NT5DC1: variants seen among roughly 807,000 people sequenced by gnomAD.
NT5DC1 encodes 5'-nucleotidase domain-containing protein 1.
Under a neutral mutation model 59.4 loss-of-function variants are expected in NT5DC1, and 42 were observed. The observed-to-expected ratio is 0.71, with a 90% CI of 0.55 to 0.92. The LOEUF (loss-of-function observed/expected upper bound fraction) is 0.92. NT5DC1 is among the 40% of genes least tolerant of loss of function. The pLI is 0.00. For synonymous variants in NT5DC1, 172 were observed against 188.1 expected (o/e 0.91, Z 0.70); for missense variants, 501 against 537.1 (o/e 0.93, Z 0.66).
In NT5DC1 at chr6:116,221,108, A is replaced by G. The variant is rs1781789798; in HGVS notation, c.584A>G (p.His195Arg). The change falls in exon 7 of 12, where the codon CAT becomes CGT. Residue 195 changes from histidine to arginine, a missense_variant. His to Arg is a conservative substitution (Grantham distance 29). Transcript: ENST00000319550. ...AAAAGAGATCCAGGCAGATATTTAC[A>G]TAGTTGTCCTGAATCTGTGAAAAAA... Reference protein sequence around the residue: ...EIKRDPGRYLHSCPESVKKWL... With the variant: ...EIKRDPGRYLRSCPESVKKWL... The G allele has an allele frequency of 5.1e-6, 8 of 1,571,500 alleles. No homozygotes were observed. Among genetic ancestry groups the G allele is most frequent in the Admixed American group, 3.3e-5 (2 of 59,884 alleles).
chr6:116,144,552 G>A (rs1432392940), intron 6 of NT5DC1, among the ~76,000 whole-genome samples: 1 of 151,614 alleles, frequency 6.6e-6, no homozygotes. Context: ...AGTTTCTCCT[G>A]GTTTTCTATA....
chr6:116,121,088 A>C (rs764481234), intron 6 of NT5DC1: 1 of 1,613,876 alleles, frequency 6.2e-7, no homozygotes, highest in South Asian at 1.1e-5. Context: ...TTGGGGTCCC[A>C]TATTCCCAGG....
intron 6 of NT5DC1, chr6:116,121,591 T>C (rs1298780981): frequency 1.2e-6 from 2 of 1,613,914 alleles, no homozygotes; most frequent in Non-Finnish European, 1.7e-6. Flanking sequence ...GTGCACCCTT[T>C]TCTCCAGGAA....
At chr6:116,162,421 A>G (rs181620111) in intron 6 of NT5DC1, among the ~76,000 whole-genome samples, 238 of 152,274 alleles carry the variant, frequency 1.6e-3, no homozygotes, top group Non-Finnish European at 2.8e-3. Flanking sequence ...TTTGTCAAAT[A>G]TGGTTCTTAG....
At position 116,232,444 on chromosome 6, in the gene NT5DC1, A is replaced by G. The variant is rs567952504; in HGVS notation, c.803-4522A>G. On this transcript the variant is annotated intron_variant, in intron 8 of 11. Coordinates refer to ENST00000319550, the MANE Select transcript of NT5DC1 (RefSeq NM_152729.3). ...TATTCGTATTTGCTTTTATATGCAT[A>G]AAAGAGGAGAAGAGGTGAGTGCATA... Among the ~76,000 whole-genome samples the G allele has an allele frequency of 2.6e-5, 4 of 152,152 alleles. No individual in the cohort carries two copies. The South Asian group carries it at 8.3e-4, about 32-fold the overall frequency.
chr6:116,121,946 C>A (rs766110843), intron 6 of NT5DC1: 1 of 1,612,738 alleles, frequency 6.2e-7, no homozygotes, highest in South Asian at 1.1e-5. Flanking sequence ...ACCTTGCTCT[C>A]CTCTTACTGC....
intron 9 of NT5DC1, among the ~76,000 whole-genome samples, chr6:116,237,971 T>C (rs1424101001): frequency 1.3e-5 from 2 of 152,234 alleles, no homozygotes; most frequent in South Asian, 4.1e-4. Flanking sequence ...CCTGTGAATG[T>C]GTTGTATAAC....
At chr6:116,121,090 A>G (rs1205837685) in intron 6 of NT5DC1, 2 of 1,613,872 alleles carry the variant, frequency 1.2e-6, no homozygotes. Flanking sequence ...GGGGTCCCAT[A>G]TTCCCAGGGG....
At chr6:116,107,481 C>T (rs1182767202) in intron 2 of NT5DC1, among the ~76,000 whole-genome samples, 2 of 151,450 alleles carry the variant, frequency 1.3e-5, no homozygotes, top group Non-Finnish European at 2.9e-5. Context: ...CCCCAAATCC[C>T]ACAAGTCTTT....
intron 6 of NT5DC1, among the ~76,000 whole-genome samples, chr6:116,178,226 G>A (rs754969552): frequency 6.6e-6 from 1 of 151,966 alleles, no homozygotes; most frequent in Non-Finnish European, 1.5e-5. Flanking sequence ...CACAAGCTGA[G>A]GATCATACCT....
At chr6:116,204,844 A>G (rs1445531782) in intron 6 of NT5DC1, among the ~76,000 whole-genome samples, 1 of 152,032 alleles carries the variant, frequency 6.6e-6, no homozygotes, top group Non-Finnish European at 1.5e-5. Flanking sequence ...GTAGGTGCTC[A>G]GTAATTATTT....
chr6:116,238,899 T>TA, intron 10 of NT5DC1, 56 bp from the exon 11 acceptor site: 1 of 1,122,472 alleles, frequency 8.9e-7, no homozygotes, highest in Non-Finnish European at 1.3e-6. Context: ...ACAAAAAAAT[T>TA]ATGAGATTGA....
chr6:116,183,133 C>A (rs1780924284), intron 6 of NT5DC1, among the ~76,000 whole-genome samples: 1 of 152,054 alleles, frequency 6.6e-6, no homozygotes, highest in Non-Finnish European at 1.5e-5. Context: ...AATAGGGTAT[C>A]CTTTCTCCAC....
At chr6:116,144,511 A>G (rs1365484133) in intron 6 of NT5DC1, among the ~76,000 whole-genome samples, 1 of 152,050 alleles carries the variant, frequency 6.6e-6, no homozygotes, top group Non-Finnish European at 1.5e-5. Flanking sequence ...AAAAAAAAAA[A>G]AAGTGTAAAA....
chr6:116,243,784 A>T (rs147969370), intron 11 of NT5DC1, 125 bp from the exon 12 acceptor site: 73 of 534,392 alleles, frequency 1.4e-4, no homozygotes, highest in African/African-American at 1.2e-3. Flanking sequence ...CTACTGAAGG[A>T]GCAAAAGAAA....
rs193069955 is a variant in NT5DC1, at chr6:116,163,776, C to G, written c.529+45831C>G. Reference sequence around the variant, plus strand: ...ACTATGAACTTTCCTCTTAACACTGCTTTTGCTGTATCCTAGATTTGATAT... The same window carrying G: ...ACTATGAACTTTCCTCTTAACACTGGTTTTGCTGTATCCTAGATTTGATAT... On this transcript the variant is annotated intron_variant, in intron 6 of 11. Coordinates refer to ENST00000319550, the MANE Select transcript of NT5DC1 (RefSeq NM_152729.3). 2.8e-4 allele frequency among the ~76,000 whole-genome samples: 43 copies of G among 152,202 alleles called. No individual in the cohort carries two copies. The East Asian group carries it at 8.3e-3, about 29-fold the overall frequency.
chr6:116,239,181 T>C, intron 11 of NT5DC1, 58 bp downstream of exon 11: 2 of 1,222,572 alleles, frequency 1.6e-6, no homozygotes, highest in Non-Finnish European at 2.3e-6. Flanking sequence ...TGACCAGTAC[T>C]AGAATTCTTG....
rs967493298 is a variant in NT5DC1 at position 116,248,529 on chromosome 6, G to A, written c.*4505G>A. 1 of 152,230 alleles carries A rather than the reference G, an allele frequency of 6.6e-6. No homozygotes were observed. Among genetic ancestry groups the A allele is most frequent in the African/African-American group, 2.4e-5 (1 of 41,448 alleles). The allele number at this position is 152,230 out of a possible 1,614,324, so 9.4% of individuals were successfully genotyped here. A position where few individuals can be genotyped will look rare whatever the true frequency, so the allele number is the denominator to read the frequency against. ...AACTGGAGATAAAGCAGCAGCACGA[G>A]GAGTAATGGGGAGAAGGGCCTGATG... On this transcript the variant is annotated 3_prime_UTR_variant, in exon 12 of 12. Coordinates refer to ENST00000319550, the MANE Select transcript of NT5DC1 (RefSeq NM_152729.3).
chr6:116,203,794 C>A (rs1781392220), intron 6 of NT5DC1, among the ~76,000 whole-genome samples: 1 of 151,842 alleles, frequency 6.6e-6, no homozygotes, highest in South Asian at 2.1e-4. Flanking sequence ...GTAGGAACTG[C>A]CAAATAATTT....
Sources: allele counts gnomAD v4.1 joint callset (sites outside exome capture counted in the v4.1 genomes callset), GRCh38; gene constraint gnomAD v4.1.1; transcripts MANE v1.5; gene names NCBI Gene and HGNC (gene_info 2026-07-23, HGNC 2026-07-21).